Variants in ZNF33A observed in about 807,000 individuals in gnomAD.
ZNF33A encodes the protein brain my041 protein.
Under a neutral mutation model 15.9 loss-of-function variants are expected in ZNF33A, and 9 were observed. The ratio of observed to expected loss-of-function variants is 0.57; its 90% CI spans 0.34 to 0.99. The LOEUF (loss-of-function observed/expected upper bound fraction) is 0.99. ZNF33A is among the 50% of genes least tolerant of loss of function. The pLI is 0.02. For synonymous variants in ZNF33A, 294 were observed against 324.2 expected (o/e 0.91, Z 1.00); for missense variants, 843 against 941.6 (o/e 0.90, Z 1.37).
chr10:38,025,595 G>C (rs572651290), intron 4 of ZNF33A, among the ~76,000 whole-genome samples: 4 of 152,256 alleles, frequency 2.6e-5, no homozygotes, highest in African/African-American at 9.6e-5. Context: ...CTGGCGTCCT[G>C]ATCTCAGACT....
chr10:38,025,683 G>A (rs1358501173), intron 4 of ZNF33A, among the ~76,000 whole-genome samples: 3 of 152,232 alleles, frequency 2.0e-5, no homozygotes, highest in African/African-American at 7.2e-5. Flanking sequence ...TATGGCAGCC[G>A]AAGCTAAGAC....
At chr10:38,024,799 C>T (rs1056486711) in intron 4 of ZNF33A, among the ~76,000 whole-genome samples, 2 of 152,240 alleles carry the variant, frequency 1.3e-5, no homozygotes, top group Admixed American at 1.3e-4. Context: ...TTAAGTTGCA[C>T]ACTGTTGTGA....
At position 38,057,711 on chromosome 10, in the gene ZNF33A, G is replaced by A. The variant is rs1417987097; in HGVS notation, c.*1151G>A. On this transcript the variant is annotated 3_prime_UTR_variant, in exon 5 of 5. Transcript: ENST00000432900. The stretch of plus-strand genomic sequence containing the variant: ...TACTCCCTTTCTCTTCCTACCTGTG[G>A]CTCATGCCATGCCATGAAGTGCCTA... The A allele has an allele frequency of 2.0e-6, 2 of 985,388 alleles. No homozygotes were observed. The highest frequency in any genetic ancestry group is 2.4e-6 in the Non-Finnish European group (2 of 829,952). 61.0% of individuals were successfully genotyped at this position (985,388 alleles called of 1,614,324 possible).
chr10:38,021,472 C>G (rs1164157684), intron 4 of ZNF33A, among the ~76,000 whole-genome samples: 2 of 46,778 alleles, frequency 4.3e-5, no homozygotes, highest in African/African-American at 1.8e-4. Context: ...GAAACCCTGT[C>G]TCTACTAAAA....
intron 4 of ZNF33A, among the ~76,000 whole-genome samples, chr10:38,040,295 T>C (rs529327484): frequency 6.6e-6 from 1 of 152,304 alleles, no homozygotes; most frequent in Admixed American, 6.5e-5. Context: ...ATGTTCTGTC[T>C]ATATCTCTTA....
chr10:38,014,237 A>G (rs1178420100), intron 2 of ZNF33A, among the ~76,000 whole-genome samples: 1 of 151,574 alleles, frequency 6.6e-6, no homozygotes, highest in African/African-American at 2.4e-5. Context: ...ACAGGGTTTT[A>G]CTTGGCCAGG....
Position 38,057,155 on chromosome 10 carries a change from A to C in ZNF33A, c.*595A>C, listed in dbSNP as rs2066519848. The C allele has an allele frequency of 2.1e-6, 2 of 939,452 alleles. No individual in the cohort carries two copies. The highest frequency in any genetic ancestry group is 9.7e-5 in the South Asian group (2 of 20,546). The allele number at this position is 939,452 out of a possible 1,614,324, so 58.2% of individuals were successfully genotyped here. Reference sequence around the variant, plus strand: ...GTATGTGTGTGTGTGTGGTTATATCAAACTTTTACGACTTTTACATTTGAG... The same window carrying C: ...GTATGTGTGTGTGTGTGGTTATATCCAACTTTTACGACTTTTACATTTGAG... On this transcript the variant is annotated 3_prime_UTR_variant, in exon 5 of 5. Coordinates refer to ENST00000432900, the MANE Select transcript of ZNF33A (RefSeq NM_006954.2).
At chr10:38,017,140 T>C (rs1374139714) in intron 3 of ZNF33A, 125 bp downstream of exon 3, 2 of 1,431,366 alleles carry the variant, frequency 1.4e-6, no homozygotes, top group Non-Finnish European at 1.9e-6. Flanking sequence ...TGTTGATTGA[T>C]CACCTCTGAG....
At chr10:38,024,163 C>CAAAAAAAAAAAAAAAAAAAAAA (rs71007682) in intron 4 of ZNF33A, among the ~76,000 whole-genome samples, 1 of 93,208 alleles carries the variant, frequency 1.1e-5, no homozygotes, top group African/African-American at 4.1e-5. Flanking sequence ...AAAAACAAAA[C>CAAAAAAAAAAAAAAAAAAAAAA]AAAAAAAAAA....
chr10:38,042,371 G>A (rs189513881), intron 4 of ZNF33A, among the ~76,000 whole-genome samples: 3 of 152,016 alleles, frequency 2.0e-5, no homozygotes, highest in Non-Finnish European at 4.4e-5. Context: ...TAGTAGAGAT[G>A]GGGTTTTGCC....
At chr10:38,035,826 AAG>A (rs1381951523) in intron 4 of ZNF33A, among the ~76,000 whole-genome samples, 2 of 151,896 alleles carry the variant, frequency 1.3e-5, no homozygotes, top group African/African-American at 4.8e-5. Context: ...GCTTTCATAA[AAG>A]AAAAGAAAAG....
At chr10:38,034,681 G>C (rs1315371149) in intron 4 of ZNF33A, among the ~76,000 whole-genome samples, 3 of 152,174 alleles carry the variant, frequency 2.0e-5, no homozygotes, top group African/African-American at 7.2e-5. Context: ...AAGAAGTGGA[G>C]ATATATGAAT....
At chr10:38,030,981 G>C (rs529221220) in intron 4 of ZNF33A, among the ~76,000 whole-genome samples, 53 of 152,336 alleles carry the variant, frequency 3.5e-4, no homozygotes, top group African/African-American at 1.3e-3. Flanking sequence ...GGAAGGCAGA[G>C]AGGGTGGGAG....
rs1432328491 is a variant in ZNF33A at position 38,049,374 on chromosome 10, C to CT, written c.251-4995dup. On this transcript the variant is annotated intron_variant, in intron 4 of 4. Coordinates refer to ENST00000432900, the MANE Select transcript of ZNF33A (RefSeq NM_006954.2). ...TCTACTTACTTTTGGGTCTAATTTGCTTTTTTCTAGCTTTTTAAGGTGGAA... is the reference window on the plus strand; with the variant it reads ...TCTACTTACTTTTGGGTCTAATTTGCTTTTTTTCTAGCTTTTTAAGGTGGAA... Among the ~76,000 whole-genome samples the CT allele has an allele frequency of 4.6e-5, 7 of 151,968 alleles. No individual in the cohort carries two copies. The East Asian group carries it at 1.4e-3, about 29-fold the overall frequency.
At chr10:38,010,831 C>T (rs2064135351) in intron 1 of ZNF33A, 48 bp downstream of exon 1, 2 of 1,594,276 alleles carry the variant, frequency 1.3e-6, no homozygotes, top group East Asian at 4.5e-5. Flanking sequence ...CCCCGCGCGA[C>T]TCCTGGGGCG....
At chr10:38,042,192 T>TC (rs1393993224) in intron 4 of ZNF33A, among the ~76,000 whole-genome samples, 3 of 152,148 alleles carry the variant, frequency 2.0e-5, no homozygotes, top group East Asian at 1.9e-4. Flanking sequence ...CCTCTGTCTT[T>TC]TTTTTTTTTC....
intron 4 of ZNF33A, among the ~76,000 whole-genome samples, chr10:38,044,592 GTCT>G (rs1426209294): frequency 2.0e-5 from 3 of 152,164 alleles, no homozygotes; most frequent in South Asian, 2.1e-4. Context: ...ATTCTTTTCT[GTCT>G]TCTTATTGAT....
At chr10:38,011,028 G>C (rs1396778181) in intron 1 of ZNF33A, among the ~76,000 whole-genome samples, 1 of 152,152 alleles carries the variant, frequency 6.6e-6, no homozygotes, top group South Asian at 2.1e-4. Flanking sequence ...AGGAGGGCAT[G>C]TGCGCTTGCG....
chr10:38,026,092 C>T (rs1339012114), intron 4 of ZNF33A, among the ~76,000 whole-genome samples: 1 of 152,180 alleles, frequency 6.6e-6, no homozygotes, highest in Admixed American at 6.5e-5. Context: ...TGTATTGTAA[C>T]AAGTATCAAG....
Sources: allele counts gnomAD v4.1 joint callset (sites outside exome capture counted in the v4.1 genomes callset), GRCh38; gene constraint gnomAD v4.1.1; transcripts MANE v1.5; gene names NCBI Gene and HGNC (gene_info 2026-07-23, HGNC 2026-07-21).